Variants in TUBB8 observed in about 807,000 individuals in gnomAD.
TUBB8 encodes tubulin beta-8 chain.
Under a neutral mutation model 33.7 loss-of-function variants are expected in TUBB8, and 25 were observed. The ratio of observed to expected loss-of-function variants is 0.74; its 90% CI spans 0.54 to 1.04. The LOEUF is 1.04. TUBB8 is among the 50% of genes least tolerant of loss of function. The pLI, the probability that TUBB8 is intolerant of heterozygous loss-of-function variation, is 0.00. For synonymous variants in TUBB8, 245 were observed against 240.1 expected, an observed-to-expected ratio of 1.02 and a Z score of -0.19; for missense variants, 279 against 608.0, an observed-to-expected ratio of 0.46 and a Z score of 5.69.
chr10:50,386 C>G (rs1175084059), upstream of TUBB8, among the ~76,000 whole-genome samples: 2 of 152,170 alleles, frequency 1.3e-5, no homozygotes, highest in African/African-American at 4.8e-5. Context: ...GAAATGCAAT[C>G]CCTGGCCCAT....
upstream of TUBB8, among the ~76,000 whole-genome samples, chr10:51,497 C>T (rs1564207035): frequency 6.6e-6 from 1 of 152,184 alleles, no homozygotes; most frequent in Non-Finnish European, 1.5e-5. Context: ...GAGGCCTCTC[C>T]GACCATGTGC....
intron 1 of TUBB8, among the ~76,000 whole-genome samples, chr10:72,845 C>G (rs1554742532): frequency 1.3e-5 from 2 of 150,394 alleles, no homozygotes; most frequent in African/African-American, 4.9e-5. Flanking sequence ...GAGCGACACT[C>G]CATCTCAAAA....
chr10:51,910 TA>T (rs1489718573), upstream of TUBB8, among the ~76,000 whole-genome samples: 1 of 152,190 alleles, frequency 6.6e-6, no homozygotes, highest in Non-Finnish European at 1.5e-5. Flanking sequence ...AAGTAAAAGC[TA>T]AACTGTTTGG....
At chr10:76,604 G>A (rs118142163), upstream of TUBB8, among the ~76,000 whole-genome samples, 9,496 of 150,194 alleles carry the variant, frequency 0.063, 322 homozygotes, top group Non-Finnish European at 0.081. Context: ...GACGCCCCAC[G>A]CCGCCGCCGT....
At chr10:55,882 A>G (rs1180922883) in intron 1 of TUBB8, among the ~76,000 whole-genome samples, 3 of 152,248 alleles carry the variant, frequency 2.0e-5, no homozygotes, top group Non-Finnish European at 4.4e-5. Flanking sequence ...TGTTTTAATT[A>G]CTATAGCTTG....
upstream of TUBB8, among the ~76,000 whole-genome samples, chr10:53,869 G>A (rs372747878): frequency 7.1e-6 from 1 of 140,786 alleles, no homozygotes; most frequent in African/African-American, 2.7e-5. Context: ...TGCCTCATTA[G>A]ACTCTCCTCC....
rs1554739069 is a variant in TUBB8 at position 49,240 on chromosome 10, G to A, written c.-2C>T. 3.2e-6 allele frequency: 5 copies of A among 1,583,450 alleles called. No homozygotes were observed. The highest frequency in any genetic ancestry group is 4.3e-6 in the Non-Finnish European group (5 of 1,165,366). ...CTGCGTGAGCACGATCTCCCTCATG[G>A]CCAAGGCGGGATTAGGACGGCAGGA... On this transcript the variant is annotated 5_prime_UTR_variant, in exon 1 of 4. Transcript: ENST00000568584.
upstream of TUBB8, among the ~76,000 whole-genome samples, chr10:76,500 G>A (rs1834816324): frequency 6.6e-6 from 1 of 152,120 alleles, no homozygotes; most frequent in South Asian, 2.1e-4. Flanking sequence ...GTCCCGGAGC[G>A]TCTCCCTGTC....
intron 1 of TUBB8, among the ~76,000 whole-genome samples, chr10:59,194 CCTT>C (rs1466388498): frequency 1.3e-5 from 2 of 151,814 alleles, no homozygotes; most frequent in East Asian, 1.9e-4. Context: ...TGGATTTTGT[CCTT>C]CTTTTTTTTG....
upstream of TUBB8, among the ~76,000 whole-genome samples, chr10:75,261 A>G (rs1379999141): frequency 1.3e-5 from 2 of 151,578 alleles, no homozygotes; most frequent in African/African-American, 2.4e-5. Context: ...AGGCCGGAGG[A>G]TTGCTGGAGC....
At chr10:65,190 C>G (rs1196132759) in intron 1 of TUBB8, among the ~76,000 whole-genome samples, 1 of 152,196 alleles carries the variant, frequency 6.6e-6, no homozygotes, top group Admixed American at 6.5e-5. Flanking sequence ...GCTACAGGCA[C>G]TCTCTTGCTA....
chr10:64,972 C>T (rs1295089063), intron 1 of TUBB8, among the ~76,000 whole-genome samples: 9,564 of 75,352 alleles, frequency 0.13, no homozygotes, highest in African/African-American at 0.19. Flanking sequence ...CCCCCATCTC[C>T]ACTAAAAAAA....
intron 1 of TUBB8, among the ~76,000 whole-genome samples, chr10:64,975 T>TAAAAA (rs61340461): frequency 8.4e-5 from 10 of 118,560 alleles, no homozygotes; most frequent in African/African-American, 3.0e-4. Flanking sequence ...CCATCTCCAC[T>TAAAAA]AAAAAAAAAA....
chr10:67,625 C>T (rs782802986), intron 1 of TUBB8, among the ~76,000 whole-genome samples: 39 of 152,240 alleles, frequency 2.6e-4, no homozygotes, highest in Middle Eastern at 3.4e-3. Context: ...GGGGTTTCAC[C>T]GTGTTAGCCA....
At chr10:56,932 C>T (rs1208332594) in intron 1 of TUBB8, among the ~76,000 whole-genome samples, 1 of 152,020 alleles carries the variant, frequency 6.6e-6, no homozygotes, top group Admixed American at 6.6e-5. Context: ...TTTATTCCTC[C>T]TATAAGCCTG....
upstream of TUBB8, among the ~76,000 whole-genome samples, chr10:52,017 G>C (rs1222955980): frequency 6.6e-6 from 1 of 152,216 alleles, no homozygotes; most frequent in African/African-American, 2.4e-5. Context: ...GGGACAAAGA[G>C]CACAAGGTGG....
At position 46,998 on chromosome 10, in the gene TUBB8, T is replaced by C; in HGVS notation, c.*59A>G. On this transcript the variant is annotated 3_prime_UTR_variant, in exon 4 of 4. Transcript: ENST00000568584. The stretch of plus-strand genomic sequence containing the variant: ...TAACAAGCGTATAGTGACACATGGC[T>C]GTCAGAACACAGTAAAGAATCCACA... The C allele has an allele frequency of 1.6e-6, 1 of 633,816 alleles. No homozygotes were observed. The highest frequency in any genetic ancestry group is 2.8e-6 in the Non-Finnish European group (1 of 361,832). 39.3% of individuals were successfully genotyped at this position (633,816 alleles called of 1,614,324 possible). A position where few individuals can be genotyped will look rare whatever the true frequency, so the allele number is the denominator to read the frequency against.
At chr10:48,156 G>C (rs549438907) in intron 3 of TUBB8, 42 bp from the exon 4 acceptor site, 7 of 1,160,512 alleles carry the variant, frequency 6.0e-6, no homozygotes, top group Non-Finnish European at 9.0e-6. Context: ...CCAGGTATAC[G>C]GTCATCAGTG....
chr10:75,439 G>A (rs1258894452), upstream of TUBB8, among the ~76,000 whole-genome samples: 1 of 151,648 alleles, frequency 6.6e-6, no homozygotes, highest in African/African-American at 2.4e-5. Context: ...TGGATCACCT[G>A]AGGTCAGGAG....
Sources: gnomAD v4.1 joint callset for allele counts (sites outside exome capture counted in the v4.1 genomes callset) on GRCh38, gnomAD v4.1.1 for gene constraint, MANE v1.5 for transcripts, NCBI Gene and HGNC (gene_info 2026-07-23, HGNC 2026-07-21) for gene names.